PMFBP1: variants seen among roughly 807,000 people sequenced by gnomAD.
The protein encoded by PMFBP1 is polyamine modulated factor 1 binding protein 1.
In PMFBP1, 131 loss-of-function variants were observed where a neutral mutation model predicts 137.8. The ratio of observed to expected loss-of-function variants is 0.95; its 90% CI spans 0.82 to 1.10. The LOEUF is 1.10. Among genes scored for constraint, PMFBP1 ranks in the 50% least tolerant of loss-of-function variants. The pLI is 0.00. For synonymous variants in PMFBP1, 490 were observed against 450.4 expected (o/e 1.09, Z -1.11); for missense variants, 1,199 against 1,175.4 (o/e 1.02, Z -0.29).
At chr16:72,245,340 T>C in the PMFBP1 span, among the ~76,000 whole-genome samples, 466 of 152,262 alleles carry the variant, frequency 3.1e-3, 3 homozygotes, top group African/African-American at 0.011. Flanking sequence ...CTACTTCCAT[T>C]TTACAGGTGG....
chr16:72,130,148 C>T, intron 12 of PMFBP1, 65 bp downstream of exon 12: 3 of 1,592,632 alleles, frequency 1.9e-6, no homozygotes, highest in Admixed American at 1.7e-5. Context: ...AGCCACTGCT[C>T]CTAGTCTGTG....
At chr16:72,214,538 A>G in the PMFBP1 span, among the ~76,000 whole-genome samples, 1 of 152,230 alleles carries the variant, frequency 6.6e-6, no homozygotes, top group African/African-American at 2.4e-5. Context: ...ATGTGAGGCC[A>G]AATTCCATTA....
intron 9 of PMFBP1, among the ~76,000 whole-genome samples, chr16:72,134,557 T>C (rs2042596572): frequency 1.3e-5 from 2 of 152,098 alleles, no homozygotes; most frequent in African/African-American, 2.4e-5. Context: ...TTCCATCTCT[T>C]AGAAAAAGGA....
the PMFBP1 span, among the ~76,000 whole-genome samples, chr16:72,237,855 T>A: frequency 1.3e-5 from 2 of 152,198 alleles, no homozygotes; most frequent in African/African-American, 2.4e-5. Context: ...TGTCCATGTG[T>A]TCTCATCATT....
intron 14 of PMFBP1, among the ~76,000 whole-genome samples, chr16:72,126,786 G>A (rs1050624401): frequency 1.3e-5 from 2 of 152,182 alleles, no homozygotes; most frequent in Non-Finnish European, 2.9e-5. Context: ...GAGTATTCAT[G>A]GTATAGTTAA....
chr16:72,200,124 G>A, the PMFBP1 span, among the ~76,000 whole-genome samples: 29 of 152,342 alleles, frequency 1.9e-4, no homozygotes, highest in East Asian at 4.8e-3. Flanking sequence ...CCTCTGAGGG[G>A]CCTTTGCCAA....
At chr16:72,194,430 G>T in the PMFBP1 span, among the ~76,000 whole-genome samples, 2 of 151,994 alleles carry the variant, frequency 1.3e-5, no homozygotes, top group African/African-American at 2.4e-5. Context: ...TTTGTCAAGC[G>T]ATTCGTTGCA....
chr16:72,117,222 C>T (rs2042317325), downstream of PMFBP1, among the ~76,000 whole-genome samples: 1 of 147,958 alleles, frequency 6.8e-6, no homozygotes, highest in African/African-American at 2.6e-5. Context: ...CTTTTACTGC[C>T]TTGGTTAATT....
downstream of PMFBP1, among the ~76,000 whole-genome samples, chr16:72,118,901 A>T (rs1361683610): frequency 1.3e-5 from 2 of 152,172 alleles, no homozygotes; most frequent in South Asian, 4.1e-4. Context: ...ATAGTAATGG[A>T]AAGAAAAAAA....
the PMFBP1 span, among the ~76,000 whole-genome samples, chr16:72,204,722 C>T: frequency 9.9e-5 from 15 of 152,054 alleles, no homozygotes; most frequent in African/African-American, 3.4e-4. Context: ...TTTTCCTCCA[C>T]GTGGATTTTG....
At chr16:72,123,036 G>T (rs34380282) in intron 18 of PMFBP1, 48 bp from the exon 19 acceptor site, 1 of 1,538,076 alleles carries the variant, frequency 6.5e-7, no homozygotes, top group East Asian at 2.2e-5. Context: ...CCAGCCTCCC[G>T]CGAGCAAGGG....
chr16:72,208,969 TGAA>T, the PMFBP1 span, among the ~76,000 whole-genome samples: 3 of 152,194 alleles, frequency 2.0e-5, no homozygotes, highest in African/African-American at 7.2e-5. Context: ...TAAAGAGTGA[TGAA>T]ATCCTTTTTG....
the PMFBP1 span, among the ~76,000 whole-genome samples, chr16:72,195,910 A>G: frequency 6.6e-6 from 1 of 151,862 alleles, no homozygotes; most frequent in African/African-American, 2.4e-5. Context: ...TCATTTTTGT[A>G]TTCATGATTC....
At chr16:72,171,080 C>A in intron 2 of PMFBP1, 117 bp downstream of exon 2, 8 of 1,247,078 alleles carry the variant, frequency 6.4e-6, no homozygotes, top group Non-Finnish European at 7.0e-6. Flanking sequence ...CTGCTGCCCA[C>A]CTCTGTCCAT....
chr16:72,197,263 A>G, the PMFBP1 span, among the ~76,000 whole-genome samples: 1 of 152,130 alleles, frequency 6.6e-6, no homozygotes. Flanking sequence ...CTTCTGATAG[A>G]GAAAGCACTG....
chr16:72,135,440 C>T (rs2042613205), intron 9 of PMFBP1, among the ~76,000 whole-genome samples: 2 of 149,990 alleles, frequency 1.3e-5, no homozygotes, highest in South Asian at 4.2e-4. Flanking sequence ...TGGTCTTGAA[C>T]TCCTGACCTC....
At chr16:72,129,585 T>A (rs2042516959) in intron 12 of PMFBP1, among the ~76,000 whole-genome samples, 1 of 152,188 alleles carries the variant, frequency 6.6e-6, no homozygotes, top group African/African-American at 2.4e-5. Flanking sequence ...AACTCAGAGA[T>A]CAAAGACTTT....
chr16:72,165,868 T>C (rs1337666134), intron 2 of PMFBP1, among the ~76,000 whole-genome samples: 1 of 152,130 alleles, frequency 6.6e-6, no homozygotes, highest in African/African-American at 2.4e-5. Context: ...GAGATATAAA[T>C]AGAATGTGTG....
At chr16:72,153,738 C>T (rs994867942) in intron 4 of PMFBP1, among the ~76,000 whole-genome samples, 4 of 148,662 alleles carry the variant, frequency 2.7e-5, no homozygotes, top group African/African-American at 1.0e-4. Context: ...CAATGATTGA[C>T]TCCCACTCAA....
Sources: allele counts gnomAD v4.1 joint callset (sites outside exome capture counted in the v4.1 genomes callset), GRCh38; gene constraint gnomAD v4.1.1; transcripts MANE v1.5; gene names NCBI Gene and HGNC (gene_info 2026-07-23, HGNC 2026-07-21).